The following MAP2K5 variants were observed in gnomAD, a reference collection of about 807,000 sequenced individuals.
The protein encoded by MAP2K5 is mitogen-activated protein kinase kinase 5.
A neutral mutation model predicts 83.1 loss-of-function variants in MAP2K5; 49 were observed. That is an observed-to-expected ratio of 0.59 (90% CI 0.47 to 0.75). The LOEUF is 0.75. MAP2K5 is among the 30% of genes least tolerant of loss of function. MAP2K5 has a pLI of 0.00. For synonymous variants in MAP2K5, 202 were observed against 191.8 expected (o/e 1.05, Z -0.44); for missense variants, 457 against 557.5 (o/e 0.82, Z 1.82).
intron 21 of MAP2K5, among the ~76,000 whole-genome samples, chr15:67,795,483 C>T (rs747309489): frequency 2.6e-5 from 4 of 152,144 alleles, no homozygotes; most frequent in Non-Finnish European, 4.4e-5. Flanking sequence ...CTTTTTTACA[C>T]CAAATTATTT....
intron 16 of MAP2K5, among the ~76,000 whole-genome samples, chr15:67,709,136 G>A (rs2088628965): frequency 6.6e-6 from 1 of 152,200 alleles, no homozygotes; most frequent in Non-Finnish European, 1.5e-5. Context: ...TAAATGTGTT[G>A]TAGTTCCCCT....
At chr15:67,761,515 G>A (rs1408845016) in intron 19 of MAP2K5, among the ~76,000 whole-genome samples, 1 of 152,234 alleles carries the variant, frequency 6.6e-6, no homozygotes, top group African/African-American at 2.4e-5. Context: ...GTAGCTGGCA[G>A]TGCAGGTGGC....
intron 11 of MAP2K5, among the ~76,000 whole-genome samples, chr15:67,647,735 T>TCTC (rs1334757245): frequency 6.6e-6 from 1 of 152,058 alleles, no homozygotes; most frequent in Non-Finnish European, 1.5e-5. Context: ...CCAGGTGTGG[T>TCTC]AGCGCATACC....
rs1265035965 is a variant in MAP2K5 at position 67,724,587 on chromosome 15, G to C, written c.1045-3329G>C. Among the ~76,000 whole-genome samples the C allele has an allele frequency of 6.6e-6, 1 of 152,116 alleles. No homozygotes were observed. Among genetic ancestry groups the C allele is most frequent in the African/African-American group, 2.4e-5 (1 of 41,406 alleles). ...TTTTTGTAGAGAACTCGTTCTTCATGCAGCCATATCTACTAAGAAACCATT... is the reference window on the plus strand; with the variant it reads ...TTTTTGTAGAGAACTCGTTCTTCATCCAGCCATATCTACTAAGAAACCATT... On this transcript the variant is annotated intron_variant, in intron 16 of 21. Transcript: ENST00000178640. This position sits in a 1 kb window ranked among gnomAD's most constrained non-coding sequence, Gnocchi z 4.4.
intron 15 of MAP2K5, among the ~76,000 whole-genome samples, chr15:67,701,830 G>A (rs2141213740): frequency 6.6e-6 from 1 of 152,318 alleles, no homozygotes; most frequent in South Asian, 2.1e-4. Context: ...CCAGCTCAAG[G>A]CTGTGCTTGG....
chr15:67,681,114 T>A (rs1227105146), intron 13 of MAP2K5, among the ~76,000 whole-genome samples: 1 of 152,248 alleles, frequency 6.6e-6, no homozygotes, highest in African/African-American at 2.4e-5. Flanking sequence ...CCTCTAGCTC[T>A]GTGCCAGCAG....
intron 16 of MAP2K5, among the ~76,000 whole-genome samples, chr15:67,710,039 T>C (rs924539017): frequency 3.9e-5 from 6 of 152,170 alleles, no homozygotes; most frequent in African/African-American, 1.4e-4. Flanking sequence ...CCCCCCACCC[T>C]TTTTTAGAGG....
intron 3 of MAP2K5, among the ~76,000 whole-genome samples, chr15:67,576,670 G>T (rs1215590046): frequency 6.8e-6 from 1 of 147,308 alleles, no homozygotes; most frequent in African/African-American, 2.5e-5. Flanking sequence ...TATGCAAGGG[G>T]TAACAGGAGA....
At chr15:67,797,695 T>C (rs2141341183) in intron 21 of MAP2K5, among the ~76,000 whole-genome samples, 1 of 152,352 alleles carries the variant, frequency 6.6e-6, no homozygotes, top group East Asian at 1.9e-4. Flanking sequence ...TTGGTTCTTT[T>C]TTTTTGAGAC....
At chr15:67,595,983 T>C (rs1425327483) in intron 7 of MAP2K5, among the ~76,000 whole-genome samples, 3 of 151,998 alleles carry the variant, frequency 2.0e-5, no homozygotes, top group Non-Finnish European at 2.9e-5. Flanking sequence ...TTTCTTTTTT[T>C]TTTTTTGTTT....
Position 67,600,756 on chromosome 15 carries a change from A to C in MAP2K5, c.545+7A>C, listed in dbSNP as rs1377243596. ...ACGGAGGCACAGTCTACAAGTGAGT[A>C]GTCAATTTTGTTTAAACTTTCTATC... On this transcript the variant is annotated splice_region_variant and intron_variant, in intron 8 of 21. Transcript: ENST00000178640. The C allele has an allele frequency of 3.8e-6, 6 of 1,594,424 alleles. No individual in the cohort carries two copies. The highest frequency in any genetic ancestry group is 5.1e-6 in the Non-Finnish European group (6 of 1,173,012).
chr15:67,771,124 CAT>C (rs2090132318), intron 20 of MAP2K5, among the ~76,000 whole-genome samples: 15 of 2,472 alleles, frequency 6.1e-3, no homozygotes, highest in African/African-American at 0.022. Flanking sequence ...TCTTAAAACA[CAT>C]GGTAATGTGT....
At chr15:67,740,564 T>C (rs1033390138) in intron 17 of MAP2K5, among the ~76,000 whole-genome samples, 3 of 151,956 alleles carry the variant, frequency 2.0e-5, no homozygotes, top group Non-Finnish European at 4.4e-5. Context: ...CTGCACCCCA[T>C]CTTGAGCAAT....
At position 67,543,208 on chromosome 15, in the gene MAP2K5, T is replaced by G; in HGVS notation, c.-128T>G. 1.2e-6 allele frequency: 1 copy of G among 827,880 alleles called. No individual in the cohort carries two copies. Among genetic ancestry groups the G allele is most frequent in the Non-Finnish European group, 2.0e-6 (1 of 506,722 alleles). 51.3% of individuals were successfully genotyped at this position (827,880 alleles called of 1,614,324 possible). ...CCCCTCCCCTCTTCCCTCCCCCTCA[T>G]CCTCCATTCCCTTGTTTTCACCCTC... On this transcript the variant is annotated 5_prime_UTR_variant, in exon 1 of 22. Transcript: ENST00000178640. The surrounding 1 kb of genome is among the most constrained non-coding windows in gnomAD (Gnocchi z 4.3).
In MAP2K5 at chr15:67,785,500, C is replaced by G. The variant is rs2090400449; in HGVS notation, c.1242+12748C>G. 6.6e-6 allele frequency among the ~76,000 whole-genome samples: 1 copy of G among 152,194 alleles called. No homozygotes were observed. The highest frequency in any genetic ancestry group is 1.5e-5 in the Non-Finnish European group (1 of 68,034). Reference sequence around the variant, plus strand: ...GGCTATCAGACACTAATCCAGCAAACACAAATCCATCATACATGCAAACAA... The same window carrying G: ...GGCTATCAGACACTAATCCAGCAAAGACAAATCCATCATACATGCAAACAA... On this transcript the variant is annotated intron_variant, in intron 21 of 21. Coordinates refer to ENST00000178640, the MANE Select transcript of MAP2K5 (RefSeq NM_145160.3). This position sits in a 1 kb window ranked among gnomAD's most constrained non-coding sequence, Gnocchi z 4.4.
At chr15:67,585,828 A>G in intron 4 of MAP2K5, 62 bp from the exon 5 acceptor site, 1 of 1,458,378 alleles carries the variant, frequency 6.9e-7, no homozygotes, top group Admixed American at 1.7e-5. Context: ...TAAACGATTC[A>G]TTTTGAGCAA....
rs556654970 is a variant in MAP2K5 at position 67,790,417 on chromosome 15, A to T, written c.1243-16229A>T. ...CATTGCATTATATCATGCAATAAAA[A>T]TACCCTTTTCATATCACACACTAAT... On this transcript the variant is annotated intron_variant, in intron 21 of 21. Coordinates refer to ENST00000178640, the MANE Select transcript of MAP2K5 (RefSeq NM_145160.3). This position sits in a 1 kb window ranked among gnomAD's most constrained non-coding sequence, Gnocchi z 4.6. Among the ~76,000 whole-genome samples the T allele has an allele frequency of 6.6e-6, 1 of 152,362 alleles. No individual in the cohort carries two copies. The highest frequency in any genetic ancestry group is 1.9e-4 in the East Asian group (1 of 5,190).
intron 15 of MAP2K5, among the ~76,000 whole-genome samples, chr15:67,701,256 T>A (rs1169028538): frequency 1.3e-5 from 2 of 152,208 alleles, no homozygotes; most frequent in African/African-American, 4.8e-5. Flanking sequence ...CAGACATGAA[T>A]AGCAATGTAT....
At chr15:67,678,737 G>A (rs562123675) in intron 13 of MAP2K5, among the ~76,000 whole-genome samples, 1 of 152,216 alleles carries the variant, frequency 6.6e-6, no homozygotes, top group Middle Eastern at 3.4e-3. Flanking sequence ...AAGCCGAGGC[G>A]GTAGGATCAT....
Sources: allele counts gnomAD v4.1 joint callset (sites outside exome capture counted in the v4.1 genomes callset), GRCh38; gene constraint gnomAD v4.1.1; non-coding constraint Gnocchi (gnomAD v3.1); transcripts MANE v1.5; gene names NCBI Gene and HGNC (gene_info 2026-07-23, HGNC 2026-07-21).